The following RNFT2 variants were observed in gnomAD, a reference collection of about 807,000 sequenced individuals.
RNFT2 encodes ring finger protein, transmembrane 2.
In RNFT2, 36 loss-of-function variants were observed where a neutral mutation model predicts 53.0. That is an observed-to-expected ratio of 0.68 (90% confidence interval 0.52 to 0.90). RNFT2 has a LOEUF of 0.90. Ranked by LOEUF, RNFT2 falls within the 40% of genes least tolerant of loss-of-function variation. The probability of loss-of-function intolerance (pLI) is 0.00; values close to 1 mark genes in which losing one functional copy is unlikely to be tolerated. For missense variants in RNFT2, 514 were observed against 585.6 expected (o/e 0.88, Z 1.26); for synonymous variants, 260 against 253.2 (o/e 1.03, Z -0.26).
intron 5 of RNFT2, among the ~76,000 whole-genome samples, chr12:116,756,077 AT>A (rs1002848743): frequency 9.3e-5 from 14 of 150,138 alleles, no homozygotes; most frequent in African/African-American, 2.7e-4. Context: ...GAATTTTGGA[AT>A]TTTTTTTTTC....
chr12:116,778,406 G>C, intron 6 of RNFT2, among the ~76,000 whole-genome samples: 1 of 152,184 alleles, frequency 6.6e-6, no homozygotes, highest in Non-Finnish European at 1.5e-5. Context: ...GTGAGGGTGG[G>C]TTCTTATAAA....
chr12:116,742,495 G>A (rs888879288), intron 3 of RNFT2, among the ~76,000 whole-genome samples: 30 of 151,984 alleles, frequency 2.0e-4, no homozygotes, highest in Admixed American at 8.5e-4. Flanking sequence ...TCAAACTCCC[G>A]GGCTCAAGCG....
At chr12:116,807,086 T>A (rs1875120343) in intron 7 of RNFT2, among the ~76,000 whole-genome samples, 1 of 152,210 alleles carries the variant, frequency 6.6e-6, no homozygotes, top group African/African-American at 2.4e-5. Flanking sequence ...ATCTTGTGGC[T>A]GGGTGCCAAT....
chr12:116,764,352 A>AT (rs552245723), intron 5 of RNFT2, among the ~76,000 whole-genome samples: 3,449 of 150,924 alleles, frequency 0.023, 62 homozygotes, highest in African/African-American at 0.047. Flanking sequence ...TATGGAAATA[A>AT]TTTTTTTTTT....
At chr12:116,775,377 T>C (rs761364209) in intron 6 of RNFT2, among the ~76,000 whole-genome samples, 51 of 152,154 alleles carry the variant, frequency 3.4e-4, no homozygotes, top group Admixed American at 3.3e-3. Flanking sequence ...CAACAACCAT[T>C]ATCTTGGCCT....
intron 5 of RNFT2, among the ~76,000 whole-genome samples, chr12:116,759,416 G>C (rs1000824028): frequency 2.0e-5 from 3 of 152,154 alleles, no homozygotes; most frequent in African/African-American, 7.2e-5. Context: ...GTGTGATTTT[G>C]GGGGAGTGTT....
chr12:116,809,190 CATTCAT>C (rs1417273236), intron 7 of RNFT2, among the ~76,000 whole-genome samples: 243 of 1,380 alleles, frequency 0.18, no homozygotes, highest in Non-Finnish European at 0.24. Context: ...TGAGTTTGTT[CATTCAT>C]TCATTCATTC....
At chr12:116,797,532 C>CT (rs1270651272) in intron 7 of RNFT2, among the ~76,000 whole-genome samples, 3 of 141,662 alleles carry the variant, frequency 2.1e-5, no homozygotes, top group Non-Finnish European at 4.5e-5. Context: ...TCCAGCCTGT[C>CT]TATCTCAAAA....
chr12:116,836,979 A>G (rs1232592741), intron 10 of RNFT2, among the ~76,000 whole-genome samples: 1 of 152,204 alleles, frequency 6.6e-6, no homozygotes, highest in Non-Finnish European at 1.5e-5. Context: ...TAGGGCTATT[A>G]TTATGATTAA....
intron 10 of RNFT2, among the ~76,000 whole-genome samples, chr12:116,836,562 G>A (rs1018995106): frequency 3.9e-5 from 6 of 152,144 alleles, no homozygotes; most frequent in African/African-American, 1.4e-4. Context: ...GTGAATTTCA[G>A]CAGCATTCTT....
chr12:116,800,219 G>A (rs529467840), intron 7 of RNFT2, among the ~76,000 whole-genome samples: 11 of 152,244 alleles, frequency 7.2e-5, no homozygotes, highest in African/African-American at 1.7e-4. Flanking sequence ...AGTCTCAGCC[G>A]GGCATGGTGG....
intron 7 of RNFT2, among the ~76,000 whole-genome samples, chr12:116,809,878 T>C (rs1425775392): frequency 6.6e-6 from 1 of 152,102 alleles, no homozygotes; most frequent in Non-Finnish European, 1.5e-5. Flanking sequence ...TTTCACCATG[T>C]TGGCCAGGCT....
chr12:116,744,844 C>T (rs1307141802), intron 3 of RNFT2, among the ~76,000 whole-genome samples: 1 of 152,106 alleles, frequency 6.6e-6, no homozygotes, highest in Non-Finnish European at 1.5e-5. Context: ...CCAGTGAACT[C>T]AGAGTGCTGG....
At chr12:116,789,816 G>C (rs945116865) in intron 7 of RNFT2, among the ~76,000 whole-genome samples, 42 of 148,424 alleles carry the variant, frequency 2.8e-4, no homozygotes, top group Admixed American at 3.4e-4. Context: ...AATGGAAGGA[G>C]AGTGGATGGG....
At position 116,836,091 on chromosome 12, in the gene RNFT2, C is replaced by T; in HGVS notation, c.1098+66C>T. ...TCAGGAACTGGAAACAGCAGCGACC[C>T]CTTCCTCAGCCCACAGATCTCACAG... On this transcript the variant is annotated intron_variant, in intron 9 of 10. Transcript: ENST00000257575. The T allele has an allele frequency of 2.5e-6, 4 of 1,604,408 alleles. No individual in the cohort carries two copies. The South Asian group carries it at 3.3e-5, about 13-fold the overall frequency.
chr12:116,820,542 G>C (rs937639950), intron 7 of RNFT2, among the ~76,000 whole-genome samples: 10 of 152,036 alleles, frequency 6.6e-5, no homozygotes, highest in Non-Finnish European at 1.5e-4. Context: ...CCCCCACCAG[G>C]GGTACCCATT....
In RNFT2 at chr12:116,822,721, G is replaced by A. The variant is rs1304311022; in HGVS notation, c.883-11071G>A. 2.0e-5 allele frequency among the ~76,000 whole-genome samples: 3 copies of A among 152,240 alleles called. 1 individual carries two copies. The highest frequency in any genetic ancestry group is 4.4e-5 in the Non-Finnish European group (3 of 68,038). ...AAGAGGAGAGATAGAAAGAGAACTG[G>A]CTGGGTGCAGTGGCTCACACCTGTA... is the stretch of plus-strand genomic sequence containing the variant. On this transcript the variant is annotated intron_variant, in intron 7 of 10. Coordinates refer to ENST00000257575, the MANE Select transcript of RNFT2 (RefSeq NM_001382266.1).
chr12:116,747,237 G>A (rs1871944255), intron 3 of RNFT2, among the ~76,000 whole-genome samples: 1 of 151,932 alleles, frequency 6.6e-6, no homozygotes, highest in African/African-American at 2.4e-5. Flanking sequence ...TTAATTTTTT[G>A]TAGAGACAGG....
At chr12:116,754,156 A>G in intron 5 of RNFT2, 96 bp downstream of exon 5, 2 of 946,526 alleles carry the variant, frequency 2.1e-6, no homozygotes, top group Non-Finnish European at 3.4e-6. Context: ...AGTTCATTGT[A>G]TCATTCTTAT....
Sources: gnomAD v4.1 joint callset for allele counts (sites outside exome capture counted in the v4.1 genomes callset) on GRCh38, gnomAD v4.1.1 for gene constraint, MANE v1.5 for transcripts, NCBI Gene and HGNC (gene_info 2026-07-23, HGNC 2026-07-21) for gene names.